Variants in ZNF280B observed in about 807,000 individuals in gnomAD.
ZNF280B encodes suppressor of hairy wing homolog 2.
Under a neutral mutation model 38.0 loss-of-function variants are expected in ZNF280B, and 16 were observed. The observed-to-expected ratio is 0.42, with a 90% CI of 0.28 to 0.64. The LOEUF is 0.64. ZNF280B is among the 30% of genes least tolerant of loss of function. The probability of loss-of-function intolerance (pLI) is 0.21; values close to 1 mark genes in which losing one functional copy is unlikely to be tolerated. For synonymous variants in ZNF280B, 253 were observed against 230.6 expected (o/e 1.10, Z -0.88); for missense variants, 581 against 639.6 (o/e 0.91, Z 0.99).
rs540748568 is a variant in ZNF280B, at chr22:22,485,467, G to C, written c.*2300C>G. ...AGCAAAGTGTCTTAACCCAAGCAAC[G>C]TAACTGAAAAGACCTAGTATAGTGT... On this transcript the variant is annotated 3_prime_UTR_variant, in exon 4 of 4. Coordinates refer to ENST00000626650, the MANE Select transcript of ZNF280B (RefSeq NM_080764.4). The C allele has an allele frequency of 1.3e-5, 2 of 151,992 alleles. No homozygotes were observed. The highest frequency in any genetic ancestry group is 4.2e-4 in the South Asian group (2 of 4,810). The allele number at this position is 151,992 out of a possible 1,614,324, so 9.4% of individuals were successfully genotyped here.
In ZNF280B at chr22:22,488,111, TTG is replaced by T. The variant is rs1267419876; in HGVS notation, c.1286_1287del (p.Thr429LysfsTer23). 7 of 1,613,778 alleles carry T rather than the reference TTG, an allele frequency of 4.3e-6. No individual in the cohort carries two copies. Among genetic ancestry groups the T allele is most frequent in the Non-Finnish European group, 5.9e-6 (7 of 1,179,986 alleles). ...AGACAAAAGGGACAAAGCAAATTCTTTGTGTTTTCATGGCACGTTCTAAAATG... is the reference window on the plus strand; with the variant it reads ...AGACAAAAGGGACAAAGCAAATTCTTTGTTTTCATGGCACGTTCTAAAATG... ...ETHFRTCHENTKNLLCPFCLK... is the reference protein window; with the variant it reads ...ETHFRTCHENXKNLLCPFCLK... On this transcript the variant is annotated frameshift_variant, in exon 4 of 4. Coordinates refer to ENST00000626650, the MANE Select transcript of ZNF280B (RefSeq NM_080764.4). LOFTEE classifies it high-confidence loss of function.
chr22:22,493,109 C>G (rs987994883), intron 3 of ZNF280B, among the ~76,000 whole-genome samples: 25 of 151,780 alleles, frequency 1.6e-4, no homozygotes, highest in Admixed American at 1.5e-3. Context: ...TTCCCAGGTT[C>G]AAGTTATTCT....
At chr22:22,491,339 TAAAAA>T (rs960429916) in intron 3 of ZNF280B, among the ~76,000 whole-genome samples, 3 of 144,546 alleles carry the variant, frequency 2.1e-5, no homozygotes, top group Non-Finnish European at 3.0e-5. Context: ...ACCAATAGTT[TAAAAA>T]AAAAAAAGTT....
At chr22:22,493,200 G>C (rs1007270079) in intron 3 of ZNF280B, among the ~76,000 whole-genome samples, 1 of 151,744 alleles carries the variant, frequency 6.6e-6, no homozygotes, top group Non-Finnish European at 1.5e-5. Flanking sequence ...GTAGAGACGG[G>C]GTTTCACCAT....
intron 2 of ZNF280B, among the ~76,000 whole-genome samples, chr22:22,498,197 G>A (rs988960433): frequency 6.6e-6 from 1 of 151,904 alleles, no homozygotes; most frequent in Non-Finnish European, 1.5e-5. Flanking sequence ...CCAGAAGATA[G>A]GAAAGGGAAA....
intron 2 of ZNF280B, among the ~76,000 whole-genome samples, chr22:22,499,271 ATT>A (rs923550658): frequency 6.7e-6 from 1 of 149,368 alleles, no homozygotes; most frequent in African/African-American, 2.5e-5. Context: ...TTTAATTTTA[ATT>A]TTTTTTTTGA....
At chr22:22,508,333 G>C (rs2061981379) in intron 1 of ZNF280B, among the ~76,000 whole-genome samples, 1 of 151,922 alleles carries the variant, frequency 6.6e-6, no homozygotes, top group African/African-American at 2.4e-5. Flanking sequence ...CGGGGGCGAT[G>C]GGGGAGGGGA....
chr22:22,505,507 G>T (rs1011579026), intron 2 of ZNF280B, among the ~76,000 whole-genome samples: 3 of 151,700 alleles, frequency 2.0e-5, no homozygotes, highest in African/African-American at 7.3e-5. Context: ...CAGAGGCTGC[G>T]GTGTGCTGAG....
At chr22:22,501,426 T>C (rs1223566569) in intron 2 of ZNF280B, among the ~76,000 whole-genome samples, 4 of 151,368 alleles carry the variant, frequency 2.6e-5, no homozygotes, top group South Asian at 2.1e-4. Flanking sequence ...TTAGCCGGCA[T>C]GGTGGCACGC....
At chr22:22,490,467 T>C (rs1440932512) in intron 3 of ZNF280B, among the ~76,000 whole-genome samples, 1 of 151,868 alleles carries the variant, frequency 6.6e-6, no homozygotes, top group African/African-American at 2.4e-5. Flanking sequence ...TTGCTATTTA[T>C]TTTAATTTTT....
At chr22:22,507,265 C>G (rs920672810) in intron 2 of ZNF280B, among the ~76,000 whole-genome samples, 3 of 151,966 alleles carry the variant, frequency 2.0e-5, no homozygotes, top group African/African-American at 4.8e-5. Flanking sequence ...CTAAGCCACT[C>G]TTGGATTCCA....
Position 22,488,324 on chromosome 22 carries a change from G to A in ZNF280B, c.1075C>T (p.Gln359Ter). 6.2e-7 allele frequency: 1 copy of A among 1,613,922 alleles called. No homozygotes were observed. Among genetic ancestry groups the A allele is most frequent in the Non-Finnish European group, 8.5e-7 (1 of 1,179,980 alleles). ...HRQFPTPFQL[Q>*]CHIENVHTAQ... The stretch of plus-strand genomic sequence containing the variant: ...GTGTGGACATTTTCGATGTGACACT[G>A]TAGCTGGAAGGGAGTGGGAAACTGC... Residue 359 changes from glutamine to a stop codon, truncating the protein, a stop_gained, in exon 4 of 4, where the codon CAG (glutamine) becomes TAG (stop). Coordinates refer to ENST00000626650, the MANE Select transcript of ZNF280B (RefSeq NM_080764.4). LOFTEE classifies it high-confidence loss of function.
intron 2 of ZNF280B, among the ~76,000 whole-genome samples, chr22:22,505,274 C>T (rs1318156930): frequency 6.6e-6 from 1 of 151,958 alleles, no homozygotes; most frequent in African/African-American, 2.4e-5. Context: ...ATTCTAAATT[C>T]TTCAGCTTTG....
intron 2 of ZNF280B, among the ~76,000 whole-genome samples, chr22:22,505,899 T>C (rs1006895733): frequency 3.3e-5 from 5 of 151,894 alleles, no homozygotes; most frequent in African/African-American, 7.3e-5. Flanking sequence ...GTGGCTACTG[T>C]GTGGAGAATA....
chr22:22,507,040 C>T (rs1314792237), intron 2 of ZNF280B, among the ~76,000 whole-genome samples: 2 of 151,930 alleles, frequency 1.3e-5, no homozygotes, highest in Non-Finnish European at 2.9e-5. Flanking sequence ...GGTACAAGGT[C>T]TCTTGAATCA....
rs574920002 is a variant in ZNF280B, at chr22:22,484,627, G to A, written c.*3140C>T. On this transcript the variant is annotated 3_prime_UTR_variant, in exon 4 of 4. Coordinates refer to ENST00000626650, the MANE Select transcript of ZNF280B (RefSeq NM_080764.4). ...TGACATTGCCTTAAAAATATATAGA[G>A]GTATCAATAGAAAAACAGAGAAAGC... 2 of 152,310 alleles carry A rather than the reference G, an allele frequency of 1.3e-5. No individual in the cohort carries two copies. The highest frequency in any genetic ancestry group is 4.2e-4 in the South Asian group (2 of 4,800). The allele number at this position is 152,310 out of a possible 1,614,324, so 9.4% of individuals were successfully genotyped here.
Position 22,488,703 on chromosome 22 carries a change from T to C in ZNF280B, c.696A>G (p.Gly232=). ...TTGGAAAAGCTGCTGGAAAAGGTGC[T>C]CCATTCTGAACATGGCTTAATGAGG... is the stretch of plus-strand genomic sequence containing the variant. ...VHTSLSHVQN[G]APFPAAFPKD... Residue 232 remains glycine (G), a synonymous_variant, in exon 4 of 4, where the codon GGA becomes GGG. Transcript: ENST00000626650. 6.2e-7 allele frequency: 1 copy of C among 1,613,902 alleles called. No individual in the cohort carries two copies. The highest frequency in any genetic ancestry group is 8.5e-7 in the Non-Finnish European group (1 of 1,179,982).
At chr22:22,496,056 T>G (rs1004564666) in intron 2 of ZNF280B, among the ~76,000 whole-genome samples, 2 of 149,114 alleles carry the variant, frequency 1.3e-5, no homozygotes, top group African/African-American at 4.9e-5. Context: ...TCCACCCACC[T>G]CGGCCTCCCA....
intron 2 of ZNF280B, among the ~76,000 whole-genome samples, chr22:22,506,133 A>G (rs1332446663): frequency 6.6e-6 from 1 of 151,908 alleles, no homozygotes. Context: ...TAAATCTATG[A>G]GATCAGAGCC....
Sources: allele counts gnomAD v4.1 joint callset (sites outside exome capture counted in the v4.1 genomes callset), GRCh38; gene constraint gnomAD v4.1.1; transcripts MANE v1.5; gene names NCBI Gene and HGNC (gene_info 2026-07-23, HGNC 2026-07-21).